RPS6KC1: variants seen among roughly 807,000 people sequenced by gnomAD.
The protein encoded by RPS6KC1 is inactive ribosomal protein S6 kinase delta-1.
Under a neutral mutation model 103.8 loss-of-function variants are expected in RPS6KC1, and 54 were observed. The observed-to-expected ratio is 0.52, with a 90% confidence interval of 0.42 to 0.65. RPS6KC1 has a LOEUF of 0.65. Ranked by LOEUF, RPS6KC1 falls within the 30% of genes least tolerant of loss-of-function variation. RPS6KC1 has a pLI of 0.00. For missense variants in RPS6KC1, 1,151 were observed against 1,253.8 expected, an observed-to-expected ratio of 0.92 and a Z score of 1.24; for synonymous variants, 439 against 438.7, an observed-to-expected ratio of 1.00 and a Z score of -0.01.
Position 213,056,076 on chromosome 1 carries a change from A to G in RPS6KC1, c.105+4567A>G, listed in dbSNP as rs186828853. Among the ~76,000 whole-genome samples, 20 of 152,248 alleles carry G rather than the reference A, an allele frequency of 1.3e-4. No individual in the cohort carries two copies. In the East Asian group the frequency reaches 2.1e-3, roughly 16 times the overall value. ...TACCTCATTGGCTTTGCACCTATTT[A>G]AAGTAGTTTGGGTTTATTTTGAAAC... is the stretch of plus-strand genomic sequence containing the variant. On this transcript the variant is annotated intron_variant, in intron 1 of 14. Transcript: ENST00000366960.
chr1:213,212,580 T>A (rs1441580041), intron 8 of RPS6KC1, among the ~76,000 whole-genome samples: 1 of 152,338 alleles, frequency 6.6e-6, no homozygotes, highest in South Asian at 2.1e-4. Flanking sequence ...CATTTTCAGC[T>A]CCTTTGAGTA....
chr1:213,801,923 AAGAAGGTGTACAC>A, the RPS6KC1 span, among the ~76,000 whole-genome samples: 1 of 152,210 alleles, frequency 6.6e-6, no homozygotes, highest in African/African-American at 2.4e-5. Context: ...TCTTACCAAA[AAGAAGGTGTACAC>A]AGAAGACAAC....
At chr1:213,611,789 TTA>T in the RPS6KC1 span, among the ~76,000 whole-genome samples, 1 of 152,182 alleles carries the variant, frequency 6.6e-6, no homozygotes, top group Non-Finnish European at 1.5e-5. Context: ...AGCCAAGAAT[TTA>T]TACTTGGAGC....
At chr1:213,749,252 G>A in the RPS6KC1 span, among the ~76,000 whole-genome samples, 5 of 152,218 alleles carry the variant, frequency 3.3e-5, no homozygotes, top group African/African-American at 1.2e-4. Flanking sequence ...ATCTGTAAGA[G>A]AGTGTTTGGC....
the RPS6KC1 span, among the ~76,000 whole-genome samples, chr1:213,668,840 C>T: frequency 6.6e-6 from 1 of 152,156 alleles, no homozygotes; most frequent in Admixed American, 6.5e-5. Context: ...CTTTTTGCAC[C>T]TTTATGATAT....
intron 7 of RPS6KC1, among the ~76,000 whole-genome samples, chr1:213,175,442 G>A (rs1223233098): frequency 1.3e-5 from 2 of 152,138 alleles, no homozygotes; most frequent in Non-Finnish European, 1.5e-5. Context: ...ATAGCAATAA[G>A]GTCTGCTCTA....
the RPS6KC1 span, among the ~76,000 whole-genome samples, chr1:213,780,658 AAAG>A: frequency 6.6e-4 from 101 of 152,330 alleles, no homozygotes; most frequent in East Asian, 0.017. Context: ...ATGAGCTGGA[AAAG>A]AAGAAGGCCC....
At chr1:213,794,095 A>T in the RPS6KC1 span, among the ~76,000 whole-genome samples, 2 of 152,220 alleles carry the variant, frequency 1.3e-5, no homozygotes, top group Non-Finnish European at 2.9e-5. Context: ...AATCTGATAG[A>T]TGGATCTTCT....
At chr1:213,773,137 C>G in the RPS6KC1 span, among the ~76,000 whole-genome samples, 1,296 of 151,826 alleles carry the variant, frequency 8.5e-3, 20 homozygotes, top group African/African-American at 0.029. Context: ...AGGGAGCCAT[C>G]GCAGGCAGAG....
chr1:213,761,332 A>G, the RPS6KC1 span, among the ~76,000 whole-genome samples: 1 of 152,188 alleles, frequency 6.6e-6, no homozygotes, highest in Non-Finnish European at 1.5e-5. Flanking sequence ...GGTGACAGGA[A>G]ATGCTGCACT....
At chr1:213,615,203 A>T in the RPS6KC1 span, among the ~76,000 whole-genome samples, 62 of 152,350 alleles carry the variant, frequency 4.1e-4, no homozygotes, top group South Asian at 8.3e-4. Context: ...GCCACAGAGA[A>T]CACACCTTCA....
chr1:213,615,070 C>G, the RPS6KC1 span, among the ~76,000 whole-genome samples: 1 of 152,156 alleles, frequency 6.6e-6, no homozygotes, highest in Non-Finnish European at 1.5e-5. Context: ...CATACTATTC[C>G]TATGTGTGAT....
chr1:213,478,596 A>G, the RPS6KC1 span, among the ~76,000 whole-genome samples: 1 of 151,976 alleles, frequency 6.6e-6, no homozygotes, highest in Non-Finnish European at 1.5e-5. Flanking sequence ...TTTAATTTCT[A>G]ATTTCTTAAT....
the RPS6KC1 span, among the ~76,000 whole-genome samples, chr1:213,545,232 G>A: frequency 1.3e-5 from 2 of 151,954 alleles, no homozygotes; most frequent in African/African-American, 4.8e-5. Flanking sequence ...TTAACTGGGT[G>A]TGGTGATGGG....
At chr1:213,292,106 G>A in the RPS6KC1 span, among the ~76,000 whole-genome samples, 1 of 152,028 alleles carries the variant, frequency 6.6e-6, no homozygotes, top group African/African-American at 2.4e-5. Context: ...GTTGAGGGGT[G>A]GGGGTAGGGG....
chr1:213,108,956 A>G (rs762682365), intron 4 of RPS6KC1, among the ~76,000 whole-genome samples: 1 of 151,476 alleles, frequency 6.6e-6, no homozygotes, highest in African/African-American at 2.4e-5. Flanking sequence ...GGCTGAAGGT[A>G]TTGGAAACAC....
chr1:213,289,959 A>G, the RPS6KC1 span, among the ~76,000 whole-genome samples: 2,599 of 152,044 alleles, frequency 0.017, 37 homozygotes, highest in Non-Finnish European at 0.027. Context: ...GAATCTCTTG[A>G]ACCCAGGAGG....
At chr1:213,304,002 G>A in the RPS6KC1 span, among the ~76,000 whole-genome samples, 1 of 151,274 alleles carries the variant, frequency 6.6e-6, no homozygotes, top group African/African-American at 2.4e-5. Context: ...TCAGGAGATC[G>A]AGACCATCCC....
At chr1:213,660,437 G>A in the RPS6KC1 span, among the ~76,000 whole-genome samples, 2 of 152,308 alleles carry the variant, frequency 1.3e-5, no homozygotes, top group South Asian at 4.1e-4. Flanking sequence ...ACCCATGGGC[G>A]GAGCCCTAAG....
Sources: gnomAD v4.1 joint callset for allele counts (sites outside exome capture counted in the v4.1 genomes callset) on GRCh38, gnomAD v4.1.1 for gene constraint, MANE v1.5 for transcripts, NCBI Gene and HGNC (gene_info 2026-07-23, HGNC 2026-07-21) for gene names.